Variants in TDP1 observed in about 807,000 individuals in gnomAD.
The protein encoded by TDP1 is tyrosyl-DNA phosphodiesterase 1.
Under a neutral mutation model 81.5 loss-of-function variants are expected in TDP1, and 64 were observed. That is an observed-to-expected ratio of 0.79 (90% CI 0.64 to 0.97). TDP1 has a LOEUF of 0.97. Ranked by LOEUF, TDP1 falls within the 50% of genes least tolerant of loss-of-function variation. The pLI, the probability that TDP1 is intolerant of heterozygous loss-of-function variation, is 0.00. For synonymous variants in TDP1, 256 were observed against 264.3 expected, an observed-to-expected ratio of 0.97 and a Z score of 0.30; for missense variants, 723 against 743.8, an observed-to-expected ratio of 0.97 and a Z score of 0.33.
At chr14:90,011,282 G>C (rs1884668533) in intron 14 of TDP1, among the ~76,000 whole-genome samples, 1 of 152,136 alleles carries the variant, frequency 6.6e-6, no homozygotes, top group South Asian at 2.1e-4. Context: ...GACTGTTATA[G>C]TAAATTGCTA....
At chr14:90,031,782 C>A (rs1887313866) in intron 15 of TDP1, among the ~76,000 whole-genome samples, 1 of 152,160 alleles carries the variant, frequency 6.6e-6, no homozygotes, top group African/African-American at 2.4e-5. Context: ...CCACCTGCAA[C>A]ATAATTCTTT....
intron 14 of TDP1, among the ~76,000 whole-genome samples, chr14:90,014,264 A>T (rs1442265598): frequency 6.6e-6 from 1 of 152,248 alleles, no homozygotes; most frequent in Non-Finnish European, 1.5e-5. Flanking sequence ...ACCTGTATAC[A>T]ACTTGAATCT....
intron 14 of TDP1, among the ~76,000 whole-genome samples, chr14:90,017,301 G>C (rs377359958): frequency 1.3e-5 from 2 of 149,420 alleles, no homozygotes; most frequent in East Asian, 1.9e-4. Flanking sequence ...GCTGCCCCAG[G>C]TGCCCGTGAT....
At chr14:89,994,080 C>T (rs1896462594) in intron 14 of TDP1, among the ~76,000 whole-genome samples, 1 of 152,140 alleles carries the variant, frequency 6.6e-6, no homozygotes, top group Admixed American at 6.6e-5. Flanking sequence ...AATTGCTATG[C>T]CCTTTGAAAA....
At chr14:89,982,135 C>G (rs1012298401) in intron 8 of TDP1, among the ~76,000 whole-genome samples, 1 of 152,188 alleles carries the variant, frequency 6.6e-6, no homozygotes, top group South Asian at 2.1e-4. Flanking sequence ...CCTCCCCACT[C>G]CCTTGCCCCA....
chr14:90,031,896 A>G (rs920280589), intron 15 of TDP1, among the ~76,000 whole-genome samples: 1 of 152,204 alleles, frequency 6.6e-6, no homozygotes, highest in African/African-American at 2.4e-5. Flanking sequence ...CAAGTCTAAA[A>G]TAGGCCTGCT....
chr14:90,025,994 G>C (rs747592967), intron 15 of TDP1, among the ~76,000 whole-genome samples: 1 of 152,218 alleles, frequency 6.6e-6, no homozygotes, highest in Non-Finnish European at 1.5e-5. Flanking sequence ...CTTACTTCCG[G>C]ATGAAAGTAG....
intron 12 of TDP1, chr14:89,991,480 T>C: frequency 8.5e-6 from 7 of 821,496 alleles, no homozygotes; most frequent in Non-Finnish European, 1.0e-5. Flanking sequence ...AGAAGAATTG[T>C]AAATAGTCCT....
intron 6 of TDP1, among the ~76,000 whole-genome samples, chr14:89,972,914 A>AT (rs1174720100): frequency 6.6e-6 from 1 of 151,884 alleles, no homozygotes. Context: ...TCCTTTCTGG[A>AT]TTTTTTTTCT....
At chr14:89,957,983 C>T (rs1891859267) in intron 2 of TDP1, among the ~76,000 whole-genome samples, 1 of 152,174 alleles carries the variant, frequency 6.6e-6, no homozygotes, top group South Asian at 2.1e-4. Flanking sequence ...GCATGCTCAG[C>T]CCGCGAGGAG....
chr14:90,030,118 C>A (rs1164939396), intron 15 of TDP1, among the ~76,000 whole-genome samples: 1 of 152,220 alleles, frequency 6.6e-6, no homozygotes, highest in African/African-American at 2.4e-5. Context: ...TAATTAGGGA[C>A]TTCCTCAGAT....
chr14:90,023,194 C>A, intron 15 of TDP1: 1 of 680,060 alleles, frequency 1.5e-6, no homozygotes, highest in South Asian at 1.5e-5. Flanking sequence ...GTGGTCTGCC[C>A]GGGGGGCTTG....
At chr14:89,956,210 C>T (rs1289940161) in intron 1 of TDP1, 2 of 152,414 alleles carry the variant, frequency 1.3e-5, no homozygotes, top group Non-Finnish European at 2.9e-5. Context: ...CTGCGGAGAC[C>T]TGTGTCCTGC....
At chr14:89,981,633 C>T (rs1194706766) in intron 8 of TDP1, 1 of 352,668 alleles carries the variant, frequency 2.8e-6, no homozygotes, top group Non-Finnish European at 5.5e-6. Flanking sequence ...GCTAGAACTC[C>T]TAATTTGGAG....
intron 15 of TDP1, among the ~76,000 whole-genome samples, chr14:90,020,352 CT>C (rs937534509): frequency 7.0e-6 from 1 of 143,794 alleles, no homozygotes; most frequent in African/African-American, 2.9e-5. Flanking sequence ...TCCTTCCTCC[CT>C]TCCTCCCTCC....
chr14:89,970,522 T>C (rs1327629387), intron 5 of TDP1, among the ~76,000 whole-genome samples: 1 of 151,836 alleles, frequency 6.6e-6, no homozygotes, highest in African/African-American at 2.4e-5. Context: ...ATAATAATTA[T>C]TATATATCTT....
At chr14:89,956,306 A>C (rs553900485) in intron 1 of TDP1, 4 of 152,360 alleles carry the variant, frequency 2.6e-5, no homozygotes, top group African/African-American at 9.6e-5. Flanking sequence ...GTGAGTAGGA[A>C]AGCGCCCACC....
At chr14:89,980,100 G>A (rs1431412289) in intron 7 of TDP1, 1 of 939,590 alleles carries the variant, frequency 1.1e-6, no homozygotes, top group Non-Finnish European at 1.3e-6. Flanking sequence ...TCATGAACCA[G>A]TAATTAAATA....
chr14:89,989,190 TGA>T, intron 11 of TDP1, 100 bp downstream of exon 11: 3 of 1,328,192 alleles, frequency 2.3e-6, no homozygotes, highest in Admixed American at 2.3e-5. Context: ...TTTTATTCTG[TGA>T]TTCTTTTTTT....
Sources: allele counts gnomAD v4.1 joint callset (sites outside exome capture counted in the v4.1 genomes callset), GRCh38; gene constraint gnomAD v4.1.1; transcripts MANE v1.5; gene names NCBI Gene and HGNC (gene_info 2026-07-23, HGNC 2026-07-21).